Variants in ZBTB20 observed in about 807,000 individuals in gnomAD.
The protein encoded by ZBTB20 is zinc finger and BTB domain-containing protein 20.
In ZBTB20, 9 loss-of-function variants were observed where a neutral mutation model predicts 56.9. The ratio of observed to expected loss-of-function variants is 0.16; its 90% CI spans 0.10 to 0.28. ZBTB20 has a LOEUF of 0.28. ZBTB20 is among the 10% of genes least tolerant of loss of function. The probability of loss-of-function intolerance (pLI) is 1.00; values close to 1 mark genes in which losing one functional copy is unlikely to be tolerated. For missense variants in ZBTB20, 655 were observed against 1,003.0 expected (o/e 0.65, Z 4.69); for synonymous variants, 417 against 420.7 (o/e 0.99, Z 0.11).
intron 5 of ZBTB20, among the ~76,000 whole-genome samples, chr3:114,705,974 G>C (rs1198055740): frequency 6.6e-6 from 1 of 152,104 alleles, no homozygotes; most frequent in African/African-American, 2.4e-5. Flanking sequence ...TGTCACAAAT[G>C]GCACATTTTA....
At chr3:114,527,605 A>G (rs2047376572) in intron 6 of ZBTB20, among the ~76,000 whole-genome samples, 1 of 152,236 alleles carries the variant, frequency 6.6e-6, no homozygotes, top group Non-Finnish European at 1.5e-5. Flanking sequence ...ATCTGCCTCC[A>G]TGGAAACAAA....
At chr3:114,754,166 T>TGG (rs1194368641) in intron 5 of ZBTB20, among the ~76,000 whole-genome samples, 1 of 152,132 alleles carries the variant, frequency 6.6e-6, no homozygotes, top group Non-Finnish European at 1.5e-5. Flanking sequence ...ACCTGCGAAC[T>TGG]GGGGAGGCCA....
At chr3:114,612,947 T>C (rs936636785) in intron 6 of ZBTB20, among the ~76,000 whole-genome samples, 7 of 152,116 alleles carry the variant, frequency 4.6e-5, no homozygotes, top group African/African-American at 1.7e-4. Flanking sequence ...TAAAATATAA[T>C]AAATATAGAA....
At chr3:114,683,301 A>T (rs1414437588) in intron 6 of ZBTB20, among the ~76,000 whole-genome samples, 1 of 152,180 alleles carries the variant, frequency 6.6e-6, no homozygotes, top group Non-Finnish European at 1.5e-5. Flanking sequence ...GAGAGTTCTG[A>T]ACTTTCCATT....
At chr3:114,529,836 C>G (rs1446555007) in intron 6 of ZBTB20, among the ~76,000 whole-genome samples, 1 of 152,158 alleles carries the variant, frequency 6.6e-6, no homozygotes, top group Non-Finnish European at 1.5e-5. Context: ...AAGTCTTTTT[C>G]TAAATGCTGT....
chr3:114,751,576 CT>C (rs2067558372), intron 5 of ZBTB20, among the ~76,000 whole-genome samples: 1 of 152,136 alleles, frequency 6.6e-6, no homozygotes, highest in Admixed American at 6.6e-5. Context: ...AAAATACCCT[CT>C]TTAGGTAAAA....
At chr3:114,999,977 A>C (rs2079182011) in intron 2 of ZBTB20, among the ~76,000 whole-genome samples, 1 of 151,672 alleles carries the variant, frequency 6.6e-6, no homozygotes, top group Non-Finnish European at 1.5e-5. Context: ...TTGCAATGTT[A>C]TATTTGTTTA....
intron 7 of ZBTB20, among the ~76,000 whole-genome samples, chr3:114,451,694 C>T (rs895814822): frequency 9.2e-5 from 14 of 152,032 alleles, no homozygotes; most frequent in Admixed American, 6.6e-4. Context: ...GGCCATTCTC[C>T]GAAAAGGAAT....
intron 4 of ZBTB20, among the ~76,000 whole-genome samples, chr3:114,802,348 G>A (rs2071779869): frequency 6.6e-6 from 1 of 151,648 alleles, no homozygotes; most frequent in African/African-American, 2.4e-5. Context: ...TTCTTACTTG[G>A]GATTCCTGTT....
intron 7 of ZBTB20, among the ~76,000 whole-genome samples, chr3:114,415,281 A>G (rs2088422568): frequency 6.6e-6 from 1 of 152,150 alleles, no homozygotes; most frequent in Non-Finnish European, 1.5e-5. Context: ...GAAAGAGAGT[A>G]AGAGAAAAAT....
chr3:114,408,341 C>T (rs955774443), intron 7 of ZBTB20, among the ~76,000 whole-genome samples: 1 of 152,182 alleles, frequency 6.6e-6, no homozygotes, highest in African/African-American at 2.4e-5. Flanking sequence ...TGTCTTCTAC[C>T]AGTTTTCCAC....
intron 1 of ZBTB20, among the ~76,000 whole-genome samples, chr3:115,114,456 T>C (rs1053574972): frequency 1.3e-5 from 2 of 152,164 alleles, no homozygotes; most frequent in Non-Finnish European, 2.9e-5. Flanking sequence ...TTGTTGAAAT[T>C]TAGCTAGTAA....
At chr3:114,909,987 T>C (rs1420520385) in intron 3 of ZBTB20, among the ~76,000 whole-genome samples, 2 of 151,838 alleles carry the variant, frequency 1.3e-5, no homozygotes, top group African/African-American at 4.8e-5. Flanking sequence ...GTCAACAAAA[T>C]TAAGTGTTGC....
At chr3:114,835,693 A>G (rs980896969) in intron 4 of ZBTB20, among the ~76,000 whole-genome samples, 3 of 152,166 alleles carry the variant, frequency 2.0e-5, no homozygotes, top group African/African-American at 7.2e-5. Context: ...TAAATTTTCT[A>G]GTGGACTAGA....
intron 5 of ZBTB20, among the ~76,000 whole-genome samples, chr3:114,793,188 T>C (rs998858640): frequency 6.6e-6 from 1 of 152,014 alleles, no homozygotes; most frequent in Non-Finnish European, 1.5e-5. Flanking sequence ...CCCCAAAGTT[T>C]TGCATTTTGA....
chr3:114,929,118 G>C (rs1460330234), intron 3 of ZBTB20, among the ~76,000 whole-genome samples: 3 of 152,164 alleles, frequency 2.0e-5, no homozygotes, highest in Non-Finnish European at 2.9e-5. Context: ...ATGATAGAGG[G>C]ACACAGAAAG....
intron 6 of ZBTB20, among the ~76,000 whole-genome samples, chr3:114,510,719 A>G (rs2045262100): frequency 6.6e-6 from 1 of 152,150 alleles, no homozygotes; most frequent in Admixed American, 6.6e-5. Flanking sequence ...AATCTCTTTC[A>G]TGTCATTCAT....
intron 2 of ZBTB20, among the ~76,000 whole-genome samples, chr3:115,067,833 G>T (rs113512970): frequency 6.6e-6 from 1 of 152,046 alleles, no homozygotes; most frequent in African/African-American, 2.4e-5. Flanking sequence ...CTAGCCTGCC[G>T]CAATTTTATT....
intron 7 of ZBTB20, among the ~76,000 whole-genome samples, chr3:114,391,078 A>G (rs929063748): frequency 6.6e-6 from 1 of 151,946 alleles, no homozygotes; most frequent in Non-Finnish European, 1.5e-5. Context: ...CCTGTTTTCT[A>G]TACCAGCCCC....
Sources: gnomAD v4.1 joint callset for allele counts (sites outside exome capture counted in the v4.1 genomes callset) on GRCh38, gnomAD v4.1.1 for gene constraint, MANE v1.5 for transcripts, NCBI Gene and HGNC (gene_info 2026-07-23, HGNC 2026-07-21) for gene names.